The following PRKCE variants were observed in gnomAD, a reference collection of about 807,000 sequenced individuals.
PRKCE encodes protein kinase C epsilon.
In PRKCE, 16 loss-of-function variants were observed where a neutral mutation model predicts 85.4. That is an observed-to-expected ratio of 0.19 (90% CI 0.13 to 0.28). The LOEUF (loss-of-function observed/expected upper bound fraction) is 0.28, where lower values mean the gene tolerates loss of function less well. Ranked by LOEUF, PRKCE falls within the 10% of genes least tolerant of loss-of-function variation. The pLI, the probability that PRKCE is intolerant of heterozygous loss-of-function variation, is 1.00. For missense variants in PRKCE, 573 were observed against 975.2 expected, an observed-to-expected ratio of 0.59 and a Z score of 5.49; for synonymous variants, 388 against 371.5, an observed-to-expected ratio of 1.04 and a Z score of -0.51.
chr2:45,727,264 A>C (rs570685387), intron 1 of PRKCE, among the ~76,000 whole-genome samples: 1 of 152,196 alleles, frequency 6.6e-6, no homozygotes, highest in Non-Finnish European at 1.5e-5. Flanking sequence ...AACCAAATAC[A>C]TGGTGATAAG....
Position 46,004,877 on chromosome 2 carries a change from G to A in PRKCE, c.1063+239G>A, listed in dbSNP as rs1484397002. 2.0e-5 allele frequency among the ~76,000 whole-genome samples: 3 copies of A among 152,080 alleles called. No homozygotes were observed. The highest frequency in any genetic ancestry group is 7.2e-5 in the African/African-American group (3 of 41,406). ...ATTTCCTTCCAGGCCAGGGTAAGAG[G>A]AGAGCGAGTGTATGATGTTATGGTT... On this transcript the variant is annotated intron_variant, in intron 8 of 14. Transcript: ENST00000306156. This position sits in a 1 kb window ranked among gnomAD's most constrained non-coding sequence, Gnocchi z 4.1.
At chr2:45,880,202 C>A (rs139841438) in intron 2 of PRKCE, among the ~76,000 whole-genome samples, 1 of 152,314 alleles carries the variant, frequency 6.6e-6, no homozygotes, top group Non-Finnish European at 1.5e-5. Flanking sequence ...AGATTTCATT[C>A]TTTTTTATGG....
rs145004524 is a variant in PRKCE, at chr2:45,898,505, G to T, written c.412+55442G>T. ...AGAGAGGACTGGGTCGCTGGAGTCTGGAAGCTTGGTCCCACCACACATTGC... is the reference window on the plus strand; with the variant it reads ...AGAGAGGACTGGGTCGCTGGAGTCTTGAAGCTTGGTCCCACCACACATTGC... On this transcript the variant is annotated intron_variant, in intron 2 of 14. Transcript: ENST00000306156. Among the ~76,000 whole-genome samples the T allele has an allele frequency of 1.7e-3, 253 of 152,326 alleles. 1 individual carries two copies. The highest frequency in any genetic ancestry group is 6.0e-3 in the African/African-American group (249 of 41,566).
intron 2 of PRKCE, among the ~76,000 whole-genome samples, chr2:45,927,650 A>C (rs1698730924): frequency 6.6e-6 from 1 of 152,224 alleles, no homozygotes; most frequent in South Asian, 2.1e-4. Flanking sequence ...GAAAGGGAGG[A>C]TTTCATCTCC....
chr2:45,888,012 G>C (rs567573949), intron 2 of PRKCE, among the ~76,000 whole-genome samples: 1 of 152,310 alleles, frequency 6.6e-6, no homozygotes, highest in African/African-American at 2.4e-5. Flanking sequence ...CCAATCCACT[G>C]TTATCTCCCA....
chr2:45,859,110 T>G (rs1440408913), intron 2 of PRKCE, among the ~76,000 whole-genome samples: 2 of 152,076 alleles, frequency 1.3e-5, no homozygotes, highest in East Asian at 3.9e-4. Flanking sequence ...CATCCTATGT[T>G]TCATTCAACA....
intron 5 of PRKCE, 68 bp from the exon 6 acceptor site, chr2:45,984,483 T>C: frequency 6.4e-7 from 1 of 1,559,664 alleles, no homozygotes; most frequent in Non-Finnish European, 8.7e-7. Context: ...TCTTTGAGAG[T>C]TCCGTTGACA....
intron 2 of PRKCE, among the ~76,000 whole-genome samples, chr2:45,854,283 C>T (rs1692504313): frequency 6.6e-6 from 1 of 152,174 alleles, no homozygotes; most frequent in South Asian, 2.1e-4. Flanking sequence ...CAAGGACTGT[C>T]CCTGTACTTG....
chr2:46,097,366 A>G lies in PRKCE; in HGVS notation c.1592+11004A>G, dbSNP rs185992793. ...ACCCCGTCTCTACTAAATATACAAAAAAAATTAGCCGGGCGTGGTGGCGGG... is the reference window on the plus strand; with the variant it reads ...ACCCCGTCTCTACTAAATATACAAAGAAAATTAGCCGGGCGTGGTGGCGGG... On this transcript the variant is annotated intron_variant, in intron 11 of 14. Coordinates refer to ENST00000306156, the MANE Select transcript of PRKCE (RefSeq NM_005400.3). 9.9e-4 allele frequency among the ~76,000 whole-genome samples: 151 copies of G among 151,870 alleles called. 2 individuals are homozygous for G. Among genetic ancestry groups the G allele is most frequent in the Admixed American group, 5.0e-3 (76 of 15,274 alleles).
At chr2:45,761,303 G>A (rs1387087458) in intron 1 of PRKCE, among the ~76,000 whole-genome samples, 2 of 139,292 alleles carry the variant, frequency 1.4e-5, no homozygotes, top group African/African-American at 5.4e-5. Context: ...CTCCAGCCTG[G>A]GCGACAGAGC....
intron 2 of PRKCE, among the ~76,000 whole-genome samples, chr2:45,866,702 C>T (rs565154509): frequency 6.6e-6 from 1 of 152,310 alleles, no homozygotes; most frequent in Admixed American, 6.5e-5. Context: ...TGGCTATTTA[C>T]GTTAATTAAA....
At chr2:45,780,767 A>G (rs1343748928) in intron 1 of PRKCE, among the ~76,000 whole-genome samples, 1 of 152,136 alleles carries the variant, frequency 6.6e-6, no homozygotes, top group Non-Finnish European at 1.5e-5. Context: ...TGATGAGTGG[A>G]AGTCATAGCT....
intron 2 of PRKCE, among the ~76,000 whole-genome samples, chr2:45,917,622 C>T (rs1697902086): frequency 1.3e-5 from 2 of 152,276 alleles, no homozygotes; most frequent in South Asian, 4.1e-4. Flanking sequence ...GTGGATCCCG[C>T]ACTGGGGCTG....
At chr2:45,921,439 C>CTCTTAAGAA (rs1348885583) in intron 2 of PRKCE, among the ~76,000 whole-genome samples, 1 of 152,244 alleles carries the variant, frequency 6.6e-6, no homozygotes, top group East Asian at 1.9e-4. Context: ...ACTTGCGTGC[C>CTCTTAAGAA]AGCTACTCTT....
At chr2:45,919,286 C>A (rs1007541057) in intron 2 of PRKCE, among the ~76,000 whole-genome samples, 1 of 152,204 alleles carries the variant, frequency 6.6e-6, no homozygotes, top group African/African-American at 2.4e-5. Flanking sequence ...GCTTGGAAAC[C>A]AGGTGTGGGA....
intron 1 of PRKCE, among the ~76,000 whole-genome samples, chr2:45,824,352 C>A (rs1558715887): frequency 1.3e-5 from 2 of 152,162 alleles, no homozygotes; most frequent in Non-Finnish European, 2.9e-5. Context: ...CATTGTGAAT[C>A]CTGAACAAAA....
rs554464818 is a variant in PRKCE at position 46,044,906 on chromosome 2, A to T, written c.1437+34389A>T. Among the ~76,000 whole-genome samples the T allele has an allele frequency of 2.0e-5, 3 of 152,248 alleles. No individual in the cohort carries two copies. The South Asian group carries it at 6.2e-4, about 32-fold the overall frequency. The stretch of plus-strand genomic sequence containing the variant: ...AAGGCTTCACTCCACGTGGTGTGTG[A>T]TTCTAGTGTATGTTACATGTTTGTA... On this transcript the variant is annotated intron_variant, in intron 10 of 14. Transcript: ENST00000306156.
chr2:45,670,500 C>T (rs796137627), intron 1 of PRKCE, among the ~76,000 whole-genome samples: 10 of 152,204 alleles, frequency 6.6e-5, no homozygotes, highest in African/African-American at 2.4e-4. Flanking sequence ...TTATAAAACT[C>T]CTATTTCAGT....
chr2:45,932,965 T>TAAG (rs1699152308), intron 2 of PRKCE, among the ~76,000 whole-genome samples: 1 of 152,266 alleles, frequency 6.6e-6, no homozygotes, highest in African/African-American at 2.4e-5. Flanking sequence ...AATTTCTTCT[T>TAAG]AAGTCTGAAT....
Sources: gnomAD v4.1 joint callset for allele counts (sites outside exome capture counted in the v4.1 genomes callset) on GRCh38, gnomAD v4.1.1 for gene constraint, Gnocchi (gnomAD v3.1) non-coding constraint, MANE v1.5 for transcripts, NCBI Gene and HGNC (gene_info 2026-07-23, HGNC 2026-07-21) for gene names.